Variants in GABRA2 observed in about 807,000 individuals in gnomAD.
GABRA2 encodes the protein gamma-aminobutyric acid receptor subunit alpha-2.
A neutral mutation model predicts 48.7 loss-of-function variants in GABRA2; 16 were observed. The ratio of observed to expected loss-of-function variants is 0.33; its 90% CI spans 0.22 to 0.50. GABRA2 has a LOEUF of 0.50. GABRA2 is among the 20% of genes least tolerant of loss of function. The pLI is 0.98. For synonymous variants in GABRA2, 185 were observed against 184.5 expected (o/e 1.00, Z -0.02); for missense variants, 275 against 535.6 (o/e 0.51, Z 4.80).
At chr4:46,332,487 T>A in intron 4 of GABRA2, 128 bp downstream of exon 4, 1 of 598,942 alleles carries the variant, frequency 1.7e-6, no homozygotes, top group Non-Finnish European at 3.0e-6. Flanking sequence ...ACTATCCATG[T>A]ATTTGAGTAG....
chr4:46,348,794 A>C (rs1400215553), intron 3 of GABRA2, among the ~76,000 whole-genome samples: 1 of 90,278 alleles, frequency 1.1e-5, no homozygotes, highest in African/African-American at 4.4e-5. Context: ...GGGAGGGGGG[A>C]GGGATAGCAT....
Position 46,245,611 on chromosome 4 carries a change from G to T in GABRA2, c.*4697C>A, listed in dbSNP as rs776063395. Among the ~76,000 whole-genome samples the T allele has an allele frequency of 6.6e-6, 1 of 151,196 alleles. No homozygotes were observed. Among genetic ancestry groups the T allele is most frequent in the Non-Finnish European group, 1.5e-5 (1 of 67,450 alleles). On this transcript the variant is annotated 3_prime_UTR_variant, in exon 10 of 10. Coordinates refer to ENST00000381620, the MANE Select transcript of GABRA2 (RefSeq NM_000807.4). Reference sequence around the variant, plus strand: ...TTAATAAGAGCTGAATTTGTGATAAGATCCATTAATAAAACAAATTGTTTA... The same window carrying T: ...TTAATAAGAGCTGAATTTGTGATAATATCCATTAATAAAACAAATTGTTTA...
chr4:46,273,465 TTGCATATATATATATA>T (rs199635178), intron 8 of GABRA2, among the ~76,000 whole-genome samples: 8,709 of 55,234 alleles, frequency 0.16, 1,288 homozygotes, highest in African/African-American at 0.36. Context: ...AGACCATTCA[TTGCATATATATATATA>T]TGCATATATA....
intron 3 of GABRA2, among the ~76,000 whole-genome samples, chr4:46,363,082 AG>A (rs986091181): frequency 6.6e-6 from 1 of 152,174 alleles, no homozygotes; most frequent in Non-Finnish European, 1.5e-5. Context: ...AACTTCATCT[AG>A]TCTAAAAAGT....
chr4:46,345,061 A>T (rs1341956370), intron 3 of GABRA2, among the ~76,000 whole-genome samples: 1 of 151,780 alleles, frequency 6.6e-6, no homozygotes, highest in Non-Finnish European at 1.5e-5. Context: ...AGTTTCCCCT[A>T]TGCTGTTCTC....
At chr4:46,309,525 AGATGATTTGACCT>A (rs1012286799) in intron 6 of GABRA2, among the ~76,000 whole-genome samples, 32 of 152,026 alleles carry the variant, frequency 2.1e-4, no homozygotes, top group Admixed American at 2.0e-3. Context: ...GGGCCTAGGG[AGATGATTTGACCT>A]TCCTCCTTTT....
chr4:46,326,136 G>A (rs907338473), intron 4 of GABRA2, among the ~76,000 whole-genome samples: 47 of 151,910 alleles, frequency 3.1e-4, no homozygotes, highest in Admixed American at 6.6e-4. Context: ...TAGTGTGATA[G>A]GAATAAATCT....
At chr4:46,330,591 T>TATATAGAGAGAGAGAGAGAG (rs1411755120) in intron 4 of GABRA2, among the ~76,000 whole-genome samples, 37 of 122,676 alleles carry the variant, frequency 3.0e-4, no homozygotes, top group East Asian at 6.2e-4. Context: ...TATATATATA[T>TATATAGAGAGAGAGAGAGAG]AGAGAGAGAG....
rs1222144287 is a variant in GABRA2 at position 46,304,726 on chromosome 4, G to GAGAC, written c.703+838_703+841dup. On this transcript the variant is annotated intron_variant, in intron 7 of 9. Coordinates refer to ENST00000381620, the MANE Select transcript of GABRA2 (RefSeq NM_000807.4). ...AGGCTGATCACGAGGTCAGGAGATC[G>GAGAC]AGACCATCCTGGCCAACAAAGTGAA... Among the ~76,000 whole-genome samples the GAGAC allele has an allele frequency of 5.9e-5, 9 of 151,742 alleles. No homozygotes were observed. In the East Asian group the frequency reaches 1.4e-3, roughly 23 times the overall value.
At chr4:46,319,757 T>A (rs1729138953) in intron 4 of GABRA2, among the ~76,000 whole-genome samples, 1 of 151,698 alleles carries the variant, frequency 6.6e-6, no homozygotes, top group African/African-American at 2.4e-5. Flanking sequence ...CAAATTTCAC[T>A]AACAAATTAG....
intron 3 of GABRA2, among the ~76,000 whole-genome samples, chr4:46,345,605 C>A (rs1560557331): frequency 6.6e-6 from 1 of 151,864 alleles, no homozygotes; most frequent in Non-Finnish European, 1.5e-5. Flanking sequence ...TGGTACTAAA[C>A]CACAGTTGTC....
chr4:46,337,004 T>C (rs753718068), intron 3 of GABRA2, among the ~76,000 whole-genome samples: 8 of 152,114 alleles, frequency 5.3e-5, no homozygotes, highest in Non-Finnish European at 8.8e-5. Context: ...AAACTTCTTA[T>C]AAAATCTTTG....
At chr4:46,291,784 T>TATATAG (rs1415482376) in intron 8 of GABRA2, among the ~76,000 whole-genome samples, 1 of 149,900 alleles carries the variant, frequency 6.7e-6, no homozygotes. Flanking sequence ...CACATATATA[T>TATATAG]ATATATACAT....
intron 8 of GABRA2, among the ~76,000 whole-genome samples, chr4:46,294,283 T>G (rs907998201): frequency 3.3e-5 from 5 of 152,198 alleles, no homozygotes; most frequent in African/African-American, 1.2e-4. Flanking sequence ...TGCCAGAGGA[T>G]GAAAAATAAA....
chr4:46,386,905 A>T (rs1048750938), intron 2 of GABRA2: 1 of 152,212 alleles, frequency 6.6e-6, no homozygotes, highest in Non-Finnish European at 1.5e-5. Flanking sequence ...AAAGATTAAA[A>T]TGCCTAGTTA....
At chr4:46,253,584 G>A (rs1050791573) in intron 9 of GABRA2, among the ~76,000 whole-genome samples, 10 of 151,586 alleles carry the variant, frequency 6.6e-5, no homozygotes, top group African/African-American at 2.4e-4. Context: ...CTATGAATCA[G>A]CAAAAACTTC....
intron 3 of GABRA2, among the ~76,000 whole-genome samples, chr4:46,382,478 T>C (rs1350267417): frequency 1.3e-5 from 2 of 151,424 alleles, no homozygotes; most frequent in Non-Finnish European, 2.9e-5. Context: ...AAAGAAAGAG[T>C]GGGGAGAAAA....
chr4:46,265,842 C>T (rs1290666416), intron 8 of GABRA2, among the ~76,000 whole-genome samples: 1 of 151,864 alleles, frequency 6.6e-6, no homozygotes, highest in Non-Finnish European at 1.5e-5. Context: ...TAAGAACAAG[C>T]TTTTGTATTT....
At chr4:46,330,105 G>GT (rs1460802805) in intron 4 of GABRA2, among the ~76,000 whole-genome samples, 1 of 151,956 alleles carries the variant, frequency 6.6e-6, no homozygotes, top group Non-Finnish European at 1.5e-5. Context: ...AAAGTAAGTG[G>GT]TTTTTTATTT....
Sources: gnomAD v4.1 joint callset for allele counts (sites outside exome capture counted in the v4.1 genomes callset) on GRCh38, gnomAD v4.1.1 for gene constraint, MANE v1.5 for transcripts, NCBI Gene and HGNC (gene_info 2026-07-23, HGNC 2026-07-21) for gene names.